The following ALDH3A2 variants were observed in gnomAD, a reference collection of about 807,000 sequenced individuals.
ALDH3A2 encodes the protein aldehyde dehydrogenase 3 family member A2.
Under a neutral mutation model 51.3 loss-of-function variants are expected in ALDH3A2, and 36 were observed. The ratio of observed to expected loss-of-function variants is 0.70; its 90% CI spans 0.54 to 0.93. The LOEUF (loss-of-function observed/expected upper bound fraction) is 0.93, where lower values mean the gene tolerates loss of function less well. Among genes scored for constraint, ALDH3A2 ranks in the 40% least tolerant of loss-of-function variants. ALDH3A2 has a pLI of 0.00. For synonymous variants in ALDH3A2, 199 were observed against 219.8 expected (o/e 0.91, Z 0.84); for missense variants, 552 against 603.1 (o/e 0.92, Z 0.89).
chr17:19,670,556 C>T, intron 8 of ALDH3A2, among the ~76,000 whole-genome samples: 1 of 151,146 alleles, frequency 6.6e-6, no homozygotes, highest in South Asian at 2.1e-4. Context: ...CTCGCCCCTC[C>T]CTTATTCTTT....
intron 3 of ALDH3A2, 145 bp from the exon 4 acceptor site, chr17:19,656,221 G>T (rs1332555270): frequency 2.3e-5 from 18 of 794,936 alleles, no homozygotes; most frequent in Admixed American, 4.0e-5. Flanking sequence ...TCCTTGGTCA[G>T]TTCCCTCTCC....
At chr17:19,667,824 G>T (rs545870283) in intron 8 of ALDH3A2, among the ~76,000 whole-genome samples, 2 of 152,318 alleles carry the variant, frequency 1.3e-5, no homozygotes, top group South Asian at 4.1e-4. Flanking sequence ...CTCCCAAAGT[G>T]CTGGGATTAC....
At position 19,675,831 on chromosome 17, in the gene ALDH3A2, G is replaced by A; in HGVS notation, c.*259G>A. On this transcript the variant is annotated 3_prime_UTR_variant, in exon 10 of 10. Coordinates refer to ENST00000176643, the MANE Select transcript of ALDH3A2 (RefSeq NM_000382.3). Reference sequence around the variant, plus strand: ...AATCTTGGAACTTTGAGCTAGGGGAGGAGAATGTATTAGACTAAATACAAA... The same window carrying A: ...AATCTTGGAACTTTGAGCTAGGGGAAGAGAATGTATTAGACTAAATACAAA... 1 of 529,944 alleles carries A rather than the reference G, an allele frequency of 1.9e-6. No individual in the cohort carries two copies. Among genetic ancestry groups the A allele is most frequent in the Admixed American group, 3.1e-5 (1 of 31,932 alleles). The allele number at this position is 529,944 out of a possible 1,614,324, so 32.8% of individuals were successfully genotyped here.
chr17:19,674,090 A>T (rs2085157013), intron 9 of ALDH3A2: 1 of 152,192 alleles, frequency 6.6e-6, no homozygotes, highest in African/African-American at 2.4e-5. Context: ...TCATTTTTAA[A>T]AAAAGGTTTG....
chr17:19,657,462 C>T (rs925838693), intron 4 of ALDH3A2, among the ~76,000 whole-genome samples: 14 of 152,226 alleles, frequency 9.2e-5, no homozygotes, highest in Non-Finnish European at 1.8e-4. Context: ...TGTTTCTCCT[C>T]TTTTCCTGCA....
At chr17:19,651,348 T>A (rs2084811884) in intron 1 of ALDH3A2, among the ~76,000 whole-genome samples, 199 bp from the exon 2 acceptor site, 1 of 152,202 alleles carries the variant, frequency 6.6e-6, no homozygotes, top group Non-Finnish European at 1.5e-5. Flanking sequence ...TCTTTGATTT[T>A]TTTAAAAGAA....
At chr17:19,658,324 C>T (rs1054874538) in intron 5 of ALDH3A2, among the ~76,000 whole-genome samples, 3 of 152,114 alleles carry the variant, frequency 2.0e-5, no homozygotes, top group Admixed American at 6.6e-5. Flanking sequence ...ATATAATTAA[C>T]AATCTTTCAG....
intron 3 of ALDH3A2, chr17:19,655,188 C>G (rs542694055): frequency 2.0e-5 from 3 of 152,304 alleles, no homozygotes; most frequent in South Asian, 4.1e-4. Flanking sequence ...CGAAATACAG[C>G]TTAAAAATAT....
At position 19,651,529 on chromosome 17, in the gene ALDH3A2, G is replaced by C. The variant is rs1403054238; in HGVS notation, c.154-18G>C. The stretch of plus-strand genomic sequence containing the variant: ...TCATACTTACTCTGCAAGATTAACT[G>C]TGATTCTCTTATAACAGAGTGAATT... On this transcript the variant is annotated intron_variant, in intron 1 of 9. Coordinates refer to ENST00000176643, the MANE Select transcript of ALDH3A2 (RefSeq NM_000382.3). The C allele has an allele frequency of 6.3e-7, 1 of 1,586,790 alleles. No individual in the cohort carries two copies. The highest frequency in any genetic ancestry group is 1.1e-5 in the South Asian group (1 of 90,418).
intron 9 of ALDH3A2, among the ~76,000 whole-genome samples, chr17:19,673,704 C>T (rs868803364): frequency 1.3e-5 from 2 of 151,770 alleles, no homozygotes; most frequent in African/African-American, 4.8e-5. Flanking sequence ...GGTGACAGAG[C>T]AAGACTCCGT....
chr17:19,658,068 C>T (rs1444082736), intron 5 of ALDH3A2, among the ~76,000 whole-genome samples: 2 of 152,208 alleles, frequency 1.3e-5, no homozygotes, highest in Admixed American at 6.5e-5. Context: ...GTTAAATCTA[C>T]TTAAACTGTC....
In ALDH3A2 at chr17:19,665,173, CT is replaced by C. The variant is rs59755039; in HGVS notation, c.1207+130del. The stretch of plus-strand genomic sequence containing the variant: ...CTGATTGTCCTCTCCTGAGGGAGAC[CT>C]TTTCCTGGTCACCCAGTTGACTGGT... On this transcript the variant is annotated intron_variant, in intron 8 of 9. Transcript: ENST00000176643. 0.58 allele frequency: 479,279 copies of C among 823,320 alleles called. 145,509 individuals are homozygous for C. The highest frequency in any genetic ancestry group is 0.97 in the East Asian group (36,697 of 37,760). 51.0% of individuals were successfully genotyped at this position (823,320 alleles called of 1,614,324 possible).
At position 19,665,018 on chromosome 17, in the gene ALDH3A2, C is replaced by T. The variant is rs756275242; in HGVS notation, c.1178C>T (p.Thr393Met). ...VTGNDVIMHF[T>M]LNSFPFGGVG... is the part of the protein sequence containing the mutation. The stretch of plus-strand genomic sequence containing the variant: ...GGCAATGACGTCATTATGCACTTCA[C>T]GCTCAACTCTTTCCCATTTGGAGGA... The change falls in exon 8 of 10, where the codon ACG (threonine) becomes ATG (methionine). Residue 393 changes from threonine to methionine, a missense_variant. Physicochemically the swap from Thr to Met is moderately conservative, Grantham distance 81. Coordinates refer to ENST00000176643, the MANE Select transcript of ALDH3A2 (RefSeq NM_000382.3). The T allele has an allele frequency of 5.6e-6, 9 of 1,614,004 alleles. No individual in the cohort carries two copies. Among genetic ancestry groups the T allele is most frequent in the South Asian group, 4.4e-5 (4 of 91,066 alleles).
chr17:19,648,787 C>CAGCGGGCGTGGAGGTCGCGGCTG lies in ALDH3A2; in HGVS notation c.-180_-158dup. 1 of 779,930 alleles carries CAGCGGGCGTGGAGGTCGCGGCTG rather than the reference C, an allele frequency of 1.3e-6. No individual in the cohort carries two copies. Among genetic ancestry groups the CAGCGGGCGTGGAGGTCGCGGCTG allele is most frequent in the Non-Finnish European group, 2.0e-6 (1 of 490,050 alleles). The allele number at this position is 779,930 out of a possible 1,614,324, so 48.3% of individuals were successfully genotyped here. ...GGCGCCTCCGACTGGCAGTGGGACT[C>CAGCGGGCGTGGAGGTCGCGGCTG]AGCGGGCGTGGAGGTCGCGGCTGAG... On this transcript the variant is annotated 5_prime_UTR_variant, in exon 1 of 10. Transcript: ENST00000176643.
chr17:19,655,129 G>A (rs952199530), intron 3 of ALDH3A2, among the ~76,000 whole-genome samples: 1 of 152,234 alleles, frequency 6.6e-6, no homozygotes, highest in Non-Finnish European at 1.5e-5. Context: ...TGGCACTGCT[G>A]AGTTCTACAT....
intron 3 of ALDH3A2, chr17:19,655,375 A>C (rs1363345048): frequency 6.6e-6 from 1 of 152,216 alleles, no homozygotes; most frequent in Non-Finnish European, 1.5e-5. Flanking sequence ...GAACCAGAAG[A>C]TAGAGGTTGA....
chr17:19,675,627 T>C lies in ALDH3A2; in HGVS notation c.*55T>C. On this transcript the variant is annotated 3_prime_UTR_variant, in exon 10 of 10. Coordinates refer to ENST00000176643, the MANE Select transcript of ALDH3A2 (RefSeq NM_000382.3). ...TCTACTGAATTATTCCTCTTTTAAA[T>C]GGTTAATGAACCAATAATTTTTAAA... is the stretch of plus-strand genomic sequence containing the variant. 6.4e-7 allele frequency: 1 copy of C among 1,551,640 alleles called. No individual in the cohort carries two copies. The highest frequency in any genetic ancestry group is 1.1e-5 in the South Asian group (1 of 89,656).
intron 5 of ALDH3A2, among the ~76,000 whole-genome samples, chr17:19,658,958 A>G (rs1183613271): frequency 6.6e-6 from 1 of 152,144 alleles, no homozygotes; most frequent in Non-Finnish European, 1.5e-5. Context: ...TTGGCCAGAC[A>G]TGGTGGCTCA....
rs1168835798 is a variant in ALDH3A2, at chr17:19,656,542, T to C, written c.648T>C (p.Ile216=). ...TGGGAGGGAAAAGTCCATGTTATAT[T>C]GATAAAGATTGTGACCTGGACATTG... The part of the protein sequence containing the change: ...LELGGKSPCY[I]DKDCDLDIVC... The change falls in exon 4 of 10, where the codon ATT becomes ATC. Residue 216 remains isoleucine, a synonymous_variant. Coordinates refer to ENST00000176643, the MANE Select transcript of ALDH3A2 (RefSeq NM_000382.3). 1.2e-6 allele frequency: 2 copies of C among 1,613,720 alleles called. No individual in the cohort carries two copies. Among genetic ancestry groups the C allele is most frequent in the East Asian group, 2.2e-5 (1 of 44,894 alleles).
Sources: gnomAD v4.1 joint callset for allele counts (sites outside exome capture counted in the v4.1 genomes callset) on GRCh38, gnomAD v4.1.1 for gene constraint, MANE v1.5 for transcripts, NCBI Gene and HGNC (gene_info 2026-07-23, HGNC 2026-07-21) for gene names.